Variants in RICTOR observed in about 807,000 individuals in gnomAD.
RICTOR encodes rapamycin-insensitive companion of mTOR.
In RICTOR, 49 loss-of-function variants were observed where a neutral mutation model predicts 214.9. That is an observed-to-expected ratio of 0.23 (90% CI 0.18 to 0.29). The LOEUF (loss-of-function observed/expected upper bound fraction) is 0.29, where lower values mean the gene tolerates loss of function less well. Ranked by LOEUF, RICTOR falls within the 10% of genes least tolerant of loss-of-function variation. The pLI is 1.00. For synonymous variants in RICTOR, 717 were observed against 711.3 expected (o/e 1.01, Z -0.13); for missense variants, 1,625 against 2,047.0 (o/e 0.79, Z 3.98).
chr5:38,944,348 G>A, intron 36 of RICTOR, 98 bp downstream of exon 36: 1 of 1,238,466 alleles, frequency 8.1e-7, no homozygotes, highest in Non-Finnish European at 1.2e-6. Flanking sequence ...AACTACTGAT[G>A]TAAGTTAACT....
At chr5:38,998,653 T>C (rs1223525674) in intron 5 of RICTOR, among the ~76,000 whole-genome samples, 2 of 152,186 alleles carry the variant, frequency 1.3e-5, no homozygotes, top group Non-Finnish European at 2.9e-5. Flanking sequence ...AAAGTAATTA[T>C]GGTTAATATG....
chr5:38,956,914 A>C (rs1168376567), intron 25 of RICTOR, among the ~76,000 whole-genome samples: 2 of 152,156 alleles, frequency 1.3e-5, no homozygotes, highest in African/African-American at 2.4e-5. Context: ...TCTCTTATGA[A>C]ATATGGTTCA....
chr5:39,071,595 CA>C (rs1759327809), intron 2 of RICTOR, among the ~76,000 whole-genome samples: 1 of 152,108 alleles, frequency 6.6e-6, no homozygotes, highest in Non-Finnish European at 1.5e-5. Flanking sequence ...ATGAAGAAAT[CA>C]GGGGTAAAGC....
chr5:39,061,096 T>A (rs1561077430), intron 2 of RICTOR, among the ~76,000 whole-genome samples: 1 of 152,084 alleles, frequency 6.6e-6, no homozygotes, highest in Non-Finnish European at 1.5e-5. Flanking sequence ...TCAAAGACGA[T>A]TAAACATTTA....
At chr5:39,071,125 G>A (rs1316277047) in intron 2 of RICTOR, among the ~76,000 whole-genome samples, 1 of 152,110 alleles carries the variant, frequency 6.6e-6, no homozygotes, top group African/African-American at 2.4e-5. Flanking sequence ...AGCTTGCAAG[G>A]CTAGCCAAGT....
At chr5:39,013,778 G>C (rs1365995524) in intron 3 of RICTOR, among the ~76,000 whole-genome samples, 2 of 152,060 alleles carry the variant, frequency 1.3e-5, no homozygotes, top group Non-Finnish European at 2.9e-5. Context: ...ATGATATATT[G>C]GGATGTGGAA....
intron 2 of RICTOR, among the ~76,000 whole-genome samples, chr5:39,035,890 C>A (rs912608056): frequency 3.3e-5 from 5 of 152,190 alleles, no homozygotes; most frequent in Non-Finnish European, 7.3e-5. Context: ...GGAAAACACT[C>A]TGCAGGATAT....
intron 2 of RICTOR, among the ~76,000 whole-genome samples, chr5:39,032,811 G>A (rs1006324401): frequency 2.0e-5 from 3 of 152,228 alleles, no homozygotes; most frequent in African/African-American, 7.2e-5. Context: ...TACGGACAGA[G>A]ACAGAGCAAC....
chr5:38,999,025 G>A (rs1432586962), intron 5 of RICTOR, among the ~76,000 whole-genome samples: 2 of 53,280 alleles, frequency 3.8e-5, no homozygotes, highest in African/African-American at 8.8e-5. Flanking sequence ...CAAACAAACA[G>A]GCAAAAAAAA....
intron 2 of RICTOR, among the ~76,000 whole-genome samples, chr5:39,030,320 C>G (rs1211731339): frequency 6.6e-6 from 1 of 152,066 alleles, no homozygotes; most frequent in Non-Finnish European, 1.5e-5. Flanking sequence ...TTAAAGGAGT[C>G]AGTACAAATT....
In RICTOR at chr5:39,007,529, C is replaced by T. The variant is rs921040110; in HGVS notation, c.196-3907G>A. On this transcript the variant is annotated intron_variant, in intron 3 of 37. Coordinates refer to ENST00000357387, the MANE Select transcript of RICTOR (RefSeq NM_152756.5). ...GAGACACAATTCAGCTCACAGCATT[C>T]CATCCTCACCTAGCAAACTAATACA... Among the ~76,000 whole-genome samples, 4 of 152,080 alleles carry T rather than the reference C, an allele frequency of 2.6e-5. No individual in the cohort carries two copies. In the East Asian group the frequency reaches 7.7e-4, roughly 29 times the overall value.
At chr5:38,974,331 C>T (rs903341393) in intron 10 of RICTOR, among the ~76,000 whole-genome samples, 4 of 152,048 alleles carry the variant, frequency 2.6e-5, no homozygotes, top group African/African-American at 9.7e-5. Context: ...AGCCCCACCC[C>T]TCTAAGTTTC....
At chr5:39,044,749 CAAAA>C (rs996831169) in intron 2 of RICTOR, among the ~76,000 whole-genome samples, 3 of 152,062 alleles carry the variant, frequency 2.0e-5, no homozygotes, top group Non-Finnish European at 2.9e-5. Context: ...CATAGGAAAA[CAAAA>C]AGAAAAAGGC....
intron 36 of RICTOR, among the ~76,000 whole-genome samples, chr5:38,943,964 G>A (rs1254294161): frequency 6.6e-6 from 1 of 151,912 alleles, no homozygotes; most frequent in Non-Finnish European, 1.5e-5. Flanking sequence ...CAAACTTTTT[G>A]GTCTCAGGAC....
Position 38,949,994 on chromosome 5 carries a change from A to G in RICTOR, c.3854T>C (p.Val1285Ala), listed in dbSNP as rs1241799550. 6 of 1,613,390 alleles carry G rather than the reference A, an allele frequency of 3.7e-6. No individual in the cohort carries two copies. The African/African-American group carries it at 8.0e-5, about 22-fold the overall frequency. ...AGAAGAACCTGGAGGCACCAGGGAC[A>G]CCGAATTTGATTTGGAGAGAGACAG... is the stretch of plus-strand genomic sequence containing the variant. Reference protein sequence around the residue: ...NHLSLSKSNSVSLVPPGSSHT... With the variant: ...NHLSLSKSNSASLVPPGSSHT... Residue 1285 changes from valine to alanine, a missense_variant, in exon 31 of 38, where the codon GTG (valine) becomes GCG (alanine). Physicochemically the swap from Val to Ala is moderately conservative, Grantham distance 64. Coordinates refer to ENST00000357387, the MANE Select transcript of RICTOR (RefSeq NM_152756.5).
intron 2 of RICTOR, among the ~76,000 whole-genome samples, chr5:39,045,788 A>C (rs1757447090): frequency 6.6e-6 from 1 of 152,138 alleles, no homozygotes; most frequent in Non-Finnish European, 1.5e-5. Context: ...TGAAGGTAGT[A>C]GTTAAAAGGG....
chr5:39,006,146 A>G (rs1395332970), intron 3 of RICTOR, among the ~76,000 whole-genome samples: 4 of 152,292 alleles, frequency 2.6e-5, no homozygotes, highest in African/African-American at 9.6e-5. Context: ...ACTTAACATC[A>G]GCAAGTGTCC....
intron 2 of RICTOR, among the ~76,000 whole-genome samples, chr5:39,061,003 A>G (rs1580218415): frequency 6.6e-6 from 1 of 152,170 alleles, no homozygotes; most frequent in East Asian, 1.9e-4. Context: ...TAGGAAGACA[A>G]TGAGAATTTA....
At chr5:38,964,643 T>C in intron 16 of RICTOR, 149 bp downstream of exon 16, 1 of 446,636 alleles carries the variant, frequency 2.2e-6, no homozygotes, top group Non-Finnish European at 3.9e-6. Flanking sequence ...TAAATATTTT[T>C]AGAACTATTA....
Sources: gnomAD v4.1 joint callset for allele counts (sites outside exome capture counted in the v4.1 genomes callset) on GRCh38, gnomAD v4.1.1 for gene constraint, MANE v1.5 for transcripts, NCBI Gene and HGNC (gene_info 2026-07-23, HGNC 2026-07-21) for gene names.